The following BLM variants were observed in gnomAD, a reference collection of about 807,000 sequenced individuals.
BLM encodes the protein BLM RecQ like helicase.
BLM carries 95 observed loss-of-function variants against 135.3 expected under a neutral mutation model. The observed-to-expected ratio is 0.70, with a 90% confidence interval of 0.59 to 0.83. The LOEUF (loss-of-function observed/expected upper bound fraction) is 0.83. Among genes scored for constraint, BLM ranks in the 40% least tolerant of loss-of-function variants. The probability of loss-of-function intolerance (pLI) is 0.00; values close to 1 mark genes in which losing one functional copy is unlikely to be tolerated. For missense variants in BLM, 1,518 were observed against 1,663.9 expected (o/e 0.91, Z 1.53); for synonymous variants, 520 against 589.2 (o/e 0.88, Z 1.70).
At chr15:90,746,892 G>T (rs1269807818) in intron 1 of BLM, among the ~76,000 whole-genome samples, 1 of 152,130 alleles carries the variant, frequency 6.6e-6, no homozygotes, top group Non-Finnish European at 1.5e-5. Context: ...ATAGTATCTT[G>T]CTGGTAAACC....
At chr15:90,738,371 G>A (rs376200190) in intron 1 of BLM, among the ~76,000 whole-genome samples, 2 of 152,236 alleles carry the variant, frequency 1.3e-5, no homozygotes, top group East Asian at 1.9e-4. Context: ...CCTAGGAGTT[G>A]GAGACCAGCC....
chr15:90,754,394 A>T lies in BLM; in HGVS notation c.960-417A>T, dbSNP rs28385003. 4.8e-3 allele frequency among the ~76,000 whole-genome samples: 733 copies of T among 152,336 alleles called. 12 individuals carry two copies. Among genetic ancestry groups the T allele is most frequent in the East Asian group, 0.026 (136 of 5,196 alleles). On this transcript the variant is annotated intron_variant, in intron 4 of 21. Transcript: ENST00000355112. The stretch of plus-strand genomic sequence containing the variant: ...AAAAGTGCTTTGAAATCTCAGAAAA[A>T]AGAGACATTAATAATCACTTGCTGG...
chr15:90,782,743 G>A (rs543118268), intron 12 of BLM, 79 bp from the exon 13 acceptor site: 9 of 1,091,554 alleles, frequency 8.2e-6, no homozygotes, highest in African/African-American at 1.6e-5. Flanking sequence ...GATTTTAGGG[G>A]GGACACATGT....
intron 4 of BLM, among the ~76,000 whole-genome samples, chr15:90,752,583 G>A (rs575796953): frequency 2.0e-5 from 3 of 152,192 alleles, no homozygotes; most frequent in East Asian, 1.9e-4. Flanking sequence ...AGTGAATTAG[G>A]ACATTAGTAC....
intron 1 of BLM, among the ~76,000 whole-genome samples, chr15:90,744,865 C>T (rs761444915): frequency 3.9e-5 from 6 of 151,902 alleles, no homozygotes; most frequent in Non-Finnish European, 8.8e-5. Context: ...GCCTGGGAAA[C>T]ATGGTGAAAC....
intron 14 of BLM, among the ~76,000 whole-genome samples, chr15:90,789,921 T>C (rs998225525): frequency 6.7e-6 from 1 of 149,790 alleles, no homozygotes; most frequent in Admixed American, 6.7e-5. Context: ...ATCAAGCTCC[T>C]GAGAGTGAAC....
chr15:90,742,994 G>T lies in BLM; in HGVS notation c.-4-4395G>T, dbSNP rs1475895651. Among the ~76,000 whole-genome samples, 11 of 141,218 alleles carry T rather than the reference G, an allele frequency of 7.8e-5. 1 individual carries two copies. The highest frequency in any genetic ancestry group is 3.1e-4 in the African/African-American group (11 of 35,758). 92.6% of individuals were successfully genotyped at this position (141,218 alleles called of 152,430 possible). ...GTAATGCTTGAAGCTTACATTTCCTGTGACTTTTTTTTTTTTTTTTTTTAA... is the reference window on the plus strand; with the variant it reads ...GTAATGCTTGAAGCTTACATTTCCTTTGACTTTTTTTTTTTTTTTTTTTAA... On this transcript the variant is annotated intron_variant, in intron 1 of 21. Transcript: ENST00000355112.
At position 90,815,067 on chromosome 15, in the gene BLM, T is replaced by G. The variant is rs1897523045; in HGVS notation, c.4077-35T>G. 6.2e-7 allele frequency: 1 copy of G among 1,610,220 alleles called. No homozygotes were observed. ...GAAGGTCATTCATTTTTGGTTTCAT[T>G]TAACATTTTGATTTTTTTCTTTGTC... On this transcript the variant is annotated intron_variant, in intron 21 of 21. Transcript: ENST00000355112. The surrounding 1 kb of genome is among the most constrained non-coding windows in gnomAD (Gnocchi z 4.6).
At chr15:90,784,764 T>G (rs1022416232) in intron 13 of BLM, among the ~76,000 whole-genome samples, 157 bp from the exon 14 acceptor site, 2 of 152,088 alleles carry the variant, frequency 1.3e-5, no homozygotes, top group African/African-American at 4.8e-5. Flanking sequence ...ACACATGAAT[T>G]CCTTGCTTGA....
rs2151187459 is a variant in BLM at position 90,794,360 on chromosome 15, A to T, written c.3210+3A>T. On this transcript the variant is annotated splice_donor_region_variant and intron_variant, in intron 16 of 21. Coordinates refer to ENST00000355112, the MANE Select transcript of BLM (RefSeq NM_000057.4). ...GTGATAATTGCTGTAAAACAAAGGT[A>T]AAAAAAGAAGTTTTAAAATTCTTTA... 1.9e-6 allele frequency: 3 copies of T among 1,569,980 alleles called. No homozygotes were observed. Among genetic ancestry groups the T allele is most frequent in the Non-Finnish European group, 2.6e-6 (3 of 1,160,670 alleles).
intron 16 of BLM, among the ~76,000 whole-genome samples, chr15:90,795,935 G>C (rs1897018694): frequency 6.6e-6 from 1 of 152,170 alleles, no homozygotes; most frequent in Admixed American, 6.5e-5. Flanking sequence ...GAGTTAGCTG[G>C]CAGCTCCCTG....
intron 9 of BLM, among the ~76,000 whole-genome samples, chr15:90,765,620 A>T (rs1317216262): frequency 6.6e-6 from 1 of 152,266 alleles, no homozygotes; most frequent in Admixed American, 6.5e-5. Context: ...CTTAGTAAGA[A>T]CTTTTAACCA....
At chr15:90,783,317 A>AC (rs1395756163) in intron 13 of BLM, among the ~76,000 whole-genome samples, 1 of 151,934 alleles carries the variant, frequency 6.6e-6, no homozygotes. Context: ...TTTCCATGTA[A>AC]CCCCCTTTCC....
In BLM at chr15:90,790,997, AT is replaced by A. The variant is rs559142400; in HGVS notation, c.3019+158del. Among the ~76,000 whole-genome samples, 7 of 152,292 alleles carry A rather than the reference AT, an allele frequency of 4.6e-5. No homozygotes were observed. In the South Asian group the frequency reaches 1.5e-3, roughly 32 times the overall value. On this transcript the variant is annotated intron_variant, in intron 15 of 21. Coordinates refer to ENST00000355112, the MANE Select transcript of BLM (RefSeq NM_000057.4). Reference sequence around the variant, plus strand: ...CAGATTGGCAATTTTATTTTAGTTCATTTTTATTATAAAAGTGGTAAGTGCT... The same window carrying A: ...CAGATTGGCAATTTTATTTTAGTTCATTTTATTATAAAAGTGGTAAGTGCT...
intron 12 of BLM, among the ~76,000 whole-genome samples, chr15:90,778,477 C>T (rs1896533953): frequency 6.6e-6 from 1 of 152,178 alleles, no homozygotes; most frequent in Non-Finnish European, 1.5e-5. Context: ...TAGAACATTT[C>T]ATCACCCTCC....
rs764495515 is a variant in BLM, at chr15:90,803,642, T to C, written c.3480T>C (p.Tyr1160=). ...ACAAGATTTTGGATGAAGACTTATA[T>C]ATCAATGCCAATGACCAGGCGATCG... ...ILDKILDEDL[Y]INANDQAIAY... is the part of the protein sequence containing the mutation. The change falls in exon 18 of 22, where the codon TAT becomes TAC. Residue 1160 remains tyrosine (Y), a synonymous_variant. Transcript: ENST00000355112. 1.9e-6 allele frequency: 3 copies of C among 1,614,166 alleles called. No homozygotes were observed. Among genetic ancestry groups the C allele is most frequent in the Non-Finnish European group, 2.5e-6 (3 of 1,180,006 alleles).
Position 90,736,273 on chromosome 15 carries a change from C to CT in BLM, c.-4-11107dup, listed in dbSNP as rs747221467. Reference sequence around the variant, plus strand: ...AGATACATTTTCTTTTCTTTCTTTCCTTTTTTTTTGAGACAGGGTCTTGCT... The same window carrying CT: ...AGATACATTTTCTTTTCTTTCTTTCCTTTTTTTTTTGAGACAGGGTCTTGCT... On this transcript the variant is annotated intron_variant, in intron 1 of 21. Coordinates refer to ENST00000355112, the MANE Select transcript of BLM (RefSeq NM_000057.4). 3.2e-4 allele frequency among the ~76,000 whole-genome samples: 49 copies of CT among 151,020 alleles called. No homozygotes were observed. The East Asian group carries it at 6.2e-3, about 19-fold the overall frequency.
At chr15:90,804,472 G>A in intron 19 of BLM, 113 bp downstream of exon 19, 3 of 1,270,800 alleles carry the variant, frequency 2.4e-6, no homozygotes, top group South Asian at 1.2e-5. Flanking sequence ...TTCTTTTTGG[G>A]GTTTGTTTTG....
chr15:90,747,666 G>T, intron 2 of BLM, 176 bp downstream of exon 2: 1 of 594,720 alleles, frequency 1.7e-6, no homozygotes. Context: ...CACCAGGTGA[G>T]ATTGTGTCTC....
Sources: allele counts gnomAD v4.1 joint callset (sites outside exome capture counted in the v4.1 genomes callset), GRCh38; gene constraint gnomAD v4.1.1; non-coding constraint Gnocchi (gnomAD v3.1); transcripts MANE v1.5; gene names NCBI Gene and HGNC (gene_info 2026-07-23, HGNC 2026-07-21).